The following RORA variants were observed in gnomAD, a reference collection of about 807,000 sequenced individuals.
RORA encodes nuclear receptor ROR-alpha.
RORA carries 7 observed loss-of-function variants against 69.5 expected under a neutral mutation model. The ratio of observed to expected loss-of-function variants is 0.10; its 90% CI spans 0.06 to 0.19. The LOEUF is 0.19. Among genes scored for constraint, RORA ranks in the 10% least tolerant of loss-of-function variants. The pLI is 1.00. For synonymous variants in RORA, 261 were observed against 240.8 expected (o/e 1.08, Z -0.78); for missense variants, 457 against 663.0 (o/e 0.69, Z 3.41).
chr15:61,081,726 T>C (rs1029015003), intron 1 of RORA, among the ~76,000 whole-genome samples: 1 of 149,392 alleles, frequency 6.7e-6, no homozygotes, highest in Non-Finnish European at 1.5e-5. Context: ...AAGGATGGCG[T>C]GAACCTGGGA....
intron 1 of RORA, among the ~76,000 whole-genome samples, chr15:60,930,345 T>C (rs1313269368): frequency 1.3e-5 from 2 of 152,128 alleles, no homozygotes; most frequent in Non-Finnish European, 2.9e-5. Flanking sequence ...TCCTCCCACC[T>C]CCATTCTCAA....
intron 1 of RORA, among the ~76,000 whole-genome samples, chr15:61,050,667 G>C (rs566121976): frequency 6.6e-6 from 1 of 152,322 alleles, no homozygotes; most frequent in Admixed American, 6.5e-5. Context: ...AGGGCGCAGA[G>C]TCACAAGAGT....
At chr15:61,031,861 T>C (rs1016763594) in intron 1 of RORA, among the ~76,000 whole-genome samples, 2 of 152,182 alleles carry the variant, frequency 1.3e-5, no homozygotes, top group African/African-American at 4.8e-5. Flanking sequence ...AAAGACTATA[T>C]ATAGAAGTTC....
chr15:61,165,195 C>T lies in RORA; in HGVS notation c.166+63858G>A, dbSNP rs573660561. ...CTCAACACAGGGAGTATCTTCCCCA[C>T]GTCAACACCACACCAGGCATCTGGG... On this transcript the variant is annotated intron_variant, in intron 1 of 10. Coordinates refer to ENST00000335670, the MANE Select transcript of RORA (RefSeq NM_134261.3). Among the ~76,000 whole-genome samples, 20 of 152,342 alleles carry T rather than the reference C, an allele frequency of 1.3e-4. No individual in the cohort carries two copies. The South Asian group carries it at 1.7e-3, about 13-fold the overall frequency.
chr15:60,713,992 C>A (rs930844369), intron 1 of RORA, among the ~76,000 whole-genome samples: 1 of 151,888 alleles, frequency 6.6e-6, no homozygotes, highest in African/African-American at 2.4e-5. Context: ...TTGGCAAAAC[C>A]GGGGCCTCTA....
At chr15:60,544,517 TTAC>T (rs2067007968) in intron 2 of RORA, among the ~76,000 whole-genome samples, 2 of 152,284 alleles carry the variant, frequency 1.3e-5, no homozygotes, top group South Asian at 4.1e-4. Flanking sequence ...GAAAATAACA[TTAC>T]TACTATGAAA....
At chr15:60,751,795 G>A (rs918559214) in intron 1 of RORA, among the ~76,000 whole-genome samples, 1 of 152,294 alleles carries the variant, frequency 6.6e-6, no homozygotes, top group South Asian at 2.1e-4. Flanking sequence ...TCTGCCCAGG[G>A]AGGAGGAACA....
At chr15:60,606,353 G>C (rs2068944578) in intron 2 of RORA, among the ~76,000 whole-genome samples, 1 of 152,236 alleles carries the variant, frequency 6.6e-6, no homozygotes, top group South Asian at 2.1e-4. Flanking sequence ...CCATAGGAAA[G>C]CTGCAATGTA....
intron 1 of RORA, among the ~76,000 whole-genome samples, chr15:61,054,546 G>C (rs1323884516): frequency 6.6e-6 from 1 of 152,086 alleles, no homozygotes; most frequent in Non-Finnish European, 1.5e-5. Flanking sequence ...AGAAACATCA[G>C]GCCTTTTGAT....
At chr15:61,049,141 G>C (rs748801654) in intron 1 of RORA, among the ~76,000 whole-genome samples, 1 of 152,192 alleles carries the variant, frequency 6.6e-6, no homozygotes. Flanking sequence ...GAGTTCTCCT[G>C]CCACAATTCT....
At chr15:60,844,848 A>G (rs1339965243) in intron 1 of RORA, among the ~76,000 whole-genome samples, 1 of 152,230 alleles carries the variant, frequency 6.6e-6, no homozygotes, top group Admixed American at 6.5e-5. Context: ...TCTTTGAGAT[A>G]AGGAGATGAA....
intron 1 of RORA, among the ~76,000 whole-genome samples, chr15:61,117,916 C>A: frequency 6.6e-6 from 1 of 152,180 alleles, no homozygotes; most frequent in South Asian, 2.1e-4. Flanking sequence ...AGCTTAAACA[C>A]CTTCAAATTG....
In RORA at chr15:61,128,798, G is replaced by C. The variant is rs2079165235; in HGVS notation, c.166+100255C>G. ...CAACCAAATATTGGCAATGCATCCT[G>C]AGACAAGAGTCAAGTGCTAAGCAAA... On this transcript the variant is annotated intron_variant, in intron 1 of 10. Coordinates refer to ENST00000335670, the MANE Select transcript of RORA (RefSeq NM_134261.3). The surrounding 1 kb of genome is among the most constrained non-coding windows in gnomAD (Gnocchi z 4.5). 6.6e-6 allele frequency among the ~76,000 whole-genome samples: 1 copy of C among 152,104 alleles called. No individual in the cohort carries two copies. Among genetic ancestry groups the C allele is most frequent in the African/African-American group, 2.4e-5 (1 of 41,422 alleles).
At chr15:60,950,791 A>G (rs1031452784) in intron 1 of RORA, among the ~76,000 whole-genome samples, 3 of 114,488 alleles carry the variant, frequency 2.6e-5, no homozygotes, top group African/African-American at 1.0e-4. Flanking sequence ...TCATAAAGCA[A>G]GTCCTGAGTG....
chr15:60,982,265 C>G (rs1894065503), intron 1 of RORA, among the ~76,000 whole-genome samples: 1 of 152,206 alleles, frequency 6.6e-6, no homozygotes, highest in Non-Finnish European at 1.5e-5. Context: ...AGTTAAGAGA[C>G]TGGGGCCTGC....
intron 1 of RORA, among the ~76,000 whole-genome samples, chr15:60,901,433 A>G (rs546722236): frequency 1.3e-5 from 2 of 152,294 alleles, no homozygotes; most frequent in African/African-American, 2.4e-5. Context: ...CGGCCTCCCA[A>G]AGTGTTGGGA....
At chr15:61,066,065 T>A (rs2140564899) in intron 1 of RORA, among the ~76,000 whole-genome samples, 1 of 152,358 alleles carries the variant, frequency 6.6e-6, no homozygotes, top group South Asian at 2.1e-4. Context: ...CTGAGAAATT[T>A]ACTAATGCGT....
intron 1 of RORA, among the ~76,000 whole-genome samples, chr15:60,983,408 C>T (rs1894103797): frequency 6.6e-6 from 1 of 152,172 alleles, no homozygotes; most frequent in Non-Finnish European, 1.5e-5. Context: ...AATAGCCCTG[C>T]AAAGCTGTCT....
At chr15:60,734,848 C>T (rs1310162713) in intron 1 of RORA, among the ~76,000 whole-genome samples, 3 of 152,204 alleles carry the variant, frequency 2.0e-5, no homozygotes, top group Non-Finnish European at 4.4e-5. Flanking sequence ...CAATGGCTAA[C>T]TAAACTGTTT....
Sources: gnomAD v4.1 joint callset for allele counts (sites outside exome capture counted in the v4.1 genomes callset) on GRCh38, gnomAD v4.1.1 for gene constraint, Gnocchi (gnomAD v3.1) non-coding constraint, MANE v1.5 for transcripts, NCBI Gene and HGNC (gene_info 2026-07-23, HGNC 2026-07-21) for gene names.